The following CSMD1 variants were observed in gnomAD, a reference collection of about 807,000 sequenced individuals.
The protein encoded by CSMD1 is CUB and sushi domain-containing protein 1.
CSMD1 carries 213 observed loss-of-function variants against 417.5 expected under a neutral mutation model. The observed-to-expected ratio is 0.51, with a 90% confidence interval of 0.46 to 0.57. The LOEUF (loss-of-function observed/expected upper bound fraction) is 0.57. Ranked by LOEUF, CSMD1 falls within the 20% of genes least tolerant of loss-of-function variation. The pLI, the probability that CSMD1 is intolerant of heterozygous loss-of-function variation, is 0.00. For synonymous variants in CSMD1, 2,862 were observed against 1,736.8 expected (o/e 1.65, Z -16.11); for missense variants, 6,923 against 4,529.7 (o/e 1.53, Z -15.17).
chr8:4,767,680 T>C (rs993651652), intron 1 of CSMD1, among the ~76,000 whole-genome samples: 2 of 152,204 alleles, frequency 1.3e-5, no homozygotes, highest in African/African-American at 4.8e-5. Flanking sequence ...GTCACCTTTT[T>C]ATGAAAGCAT....
At chr8:4,511,597 A>G (rs1203350603) in intron 2 of CSMD1, among the ~76,000 whole-genome samples, 2 of 152,264 alleles carry the variant, frequency 1.3e-5, no homozygotes, top group African/African-American at 2.4e-5. Flanking sequence ...TGCTGCTCCC[A>G]AGATTGGAGA....
At chr8:4,420,753 G>T (rs915505572) in intron 2 of CSMD1, among the ~76,000 whole-genome samples, 5 of 152,138 alleles carry the variant, frequency 3.3e-5, no homozygotes, top group Non-Finnish European at 7.4e-5. Context: ...GCAAACCAAT[G>T]CTGACACAGC....
At chr8:4,333,593 G>A (rs867179561) in intron 3 of CSMD1, among the ~76,000 whole-genome samples, 2 of 152,080 alleles carry the variant, frequency 1.3e-5, no homozygotes, top group African/African-American at 2.4e-5. Context: ...TATTACTCTT[G>A]CTGTTGTTAC....
chr8:4,088,692 T>C (rs767003554), intron 3 of CSMD1, among the ~76,000 whole-genome samples: 1 of 152,106 alleles, frequency 6.6e-6, no homozygotes, highest in East Asian at 1.9e-4. Flanking sequence ...CTCAGTTCAT[T>C]GCAATCAGCT....
At chr8:4,424,641 A>G (rs1375745439) in intron 2 of CSMD1, among the ~76,000 whole-genome samples, 1 of 152,086 alleles carries the variant, frequency 6.6e-6, no homozygotes, top group Admixed American at 6.6e-5. Context: ...AGAAAACAGA[A>G]AACTTCCGAA....
chr8:4,140,047 T>C (rs1198131550), intron 3 of CSMD1, among the ~76,000 whole-genome samples: 2 of 150,870 alleles, frequency 1.3e-5, no homozygotes, highest in Non-Finnish European at 2.9e-5. Flanking sequence ...AGAAGACACA[T>C]TTGATTATTA....
At chr8:4,941,371 A>G (rs1167014479) in intron 1 of CSMD1, among the ~76,000 whole-genome samples, 1 of 152,172 alleles carries the variant, frequency 6.6e-6, no homozygotes, top group African/African-American at 2.4e-5. Flanking sequence ...ATTCAAAATA[A>G]AAATATTATC....
chr8:4,301,946 G>A (rs962538786), intron 3 of CSMD1, among the ~76,000 whole-genome samples: 2 of 152,076 alleles, frequency 1.3e-5, no homozygotes, highest in Non-Finnish European at 2.9e-5. Context: ...TCAAACTAAT[G>A]CCTTATCCTT....
intron 1 of CSMD1, among the ~76,000 whole-genome samples, chr8:4,979,980 G>T (rs1810790500): frequency 6.6e-6 from 1 of 152,184 alleles, no homozygotes; most frequent in Non-Finnish European, 1.5e-5. Context: ...GCAGCTTGCA[G>T]TGAGCCAAGA....
In CSMD1 at chr8:3,754,053, G is replaced by C. The variant is rs752214319; in HGVS notation, c.819-11C>G. 1.1e-5 allele frequency: 17 copies of C among 1,586,198 alleles called. No individual in the cohort carries two copies. In the South Asian group the frequency reaches 1.2e-4, roughly 11 times the overall value. The stretch of plus-strand genomic sequence containing the variant: ...TTCATGCCAGTTAGCCTAGAGAAGA[G>C]AAAGAGGAAAAAAATCTCCCTTGTA... On this transcript the variant is annotated splice_polypyrimidine_tract_variant and intron_variant, in intron 5 of 69. Coordinates refer to ENST00000635120, the MANE Select transcript of CSMD1 (RefSeq NM_033225.6).
At chr8:3,871,611 G>A (rs771383686) in intron 5 of CSMD1, among the ~76,000 whole-genome samples, 23 of 152,056 alleles carry the variant, frequency 1.5e-4, no homozygotes, top group Non-Finnish European at 2.9e-4. Context: ...TTCAAATTCA[G>A]ATTATACAGG....
At chr8:3,745,254 C>A (rs935392561) in intron 6 of CSMD1, among the ~76,000 whole-genome samples, 31 of 152,142 alleles carry the variant, frequency 2.0e-4, no homozygotes, top group African/African-American at 7.5e-4. Context: ...AACTACAAGG[C>A]TCCCCTGGAG....
intron 3 of CSMD1, among the ~76,000 whole-genome samples, chr8:4,343,884 A>G (rs1298951379): frequency 6.6e-6 from 1 of 152,136 alleles, no homozygotes. Flanking sequence ...TCAACTCAAT[A>G]ACTAATTTTT....
chr8:4,573,637 G>C (rs1050822733), intron 2 of CSMD1, among the ~76,000 whole-genome samples: 5 of 152,142 alleles, frequency 3.3e-5, no homozygotes, highest in Non-Finnish European at 7.3e-5. Context: ...TCCCTTAGCA[G>C]AGCTTGAGTG....
At chr8:3,267,338 C>G (rs548644668) in intron 26 of CSMD1, among the ~76,000 whole-genome samples, 1 of 152,188 alleles carries the variant, frequency 6.6e-6, no homozygotes, top group Non-Finnish European at 1.5e-5. Flanking sequence ...GATCATCTAT[C>G]GCGTACGAAA....
At chr8:4,661,776 G>T (rs965651864) in intron 1 of CSMD1, among the ~76,000 whole-genome samples, 8 of 152,112 alleles carry the variant, frequency 5.3e-5, no homozygotes, top group African/African-American at 1.4e-4. Flanking sequence ...CCATTAAATC[G>T]TAATAATCCT....
intron 5 of CSMD1, among the ~76,000 whole-genome samples, chr8:3,908,057 C>A (rs1269131312): frequency 6.6e-6 from 1 of 152,116 alleles, no homozygotes; most frequent in Admixed American, 6.5e-5. Flanking sequence ...CAAAGTCTGA[C>A]TCTCAAATTG....
chr8:4,028,309 C>A (rs1797168591), intron 4 of CSMD1, among the ~76,000 whole-genome samples: 2 of 152,066 alleles, frequency 1.3e-5, no homozygotes, highest in South Asian at 2.1e-4. Context: ...AGATTCCCCA[C>A]CTATAATATG....
At position 4,894,524 on chromosome 8, in the gene CSMD1, G is replaced by A. The variant is rs561783778; in HGVS notation, c.85+99808C>T. Among the ~76,000 whole-genome samples the A allele has an allele frequency of 7.9e-4, 116 of 147,770 alleles. 5 individuals carry two copies. In the South Asian group the frequency reaches 0.025, roughly 32 times the overall value. On this transcript the variant is annotated intron_variant, in intron 1 of 69. Transcript: ENST00000635120. ...GCCGAGATCGCACCATCGCATTCCA[G>A]CCTGGGGACAACAGCGAGAACTCAT...
Sources: allele counts gnomAD v4.1 joint callset (sites outside exome capture counted in the v4.1 genomes callset), GRCh38; gene constraint gnomAD v4.1.1; transcripts MANE v1.5; gene names NCBI Gene and HGNC (gene_info 2026-07-23, HGNC 2026-07-21).